Variants in RAB11FIP1 observed in about 807,000 individuals in gnomAD.
RAB11FIP1 encodes the protein RAB11 family interacting protein 1.
Under a neutral mutation model 83.1 loss-of-function variants are expected in RAB11FIP1, and 49 were observed. The observed-to-expected ratio is 0.59, with a 90% confidence interval of 0.47 to 0.75. The LOEUF is 0.75. Among genes scored for constraint, RAB11FIP1 ranks in the 30% least tolerant of loss-of-function variants. The pLI is 0.00. For missense variants in RAB11FIP1, 1,536 were observed against 1,598.7 expected (o/e 0.96, Z 0.67); for synonymous variants, 670 against 656.0 (o/e 1.02, Z -0.33).
Position 37,872,740 on chromosome 8 carries a change from C to T in RAB11FIP1, c.2062G>A (p.Glu688Lys), listed in dbSNP as rs757346065. The change falls in exon 4 of 6, where the codon GAG becomes AAG. Residue 688 changes from glutamate (E) to lysine (K), a missense_variant. Glu to Lys is a moderately conservative substitution (Grantham distance 56, BLOSUM62 1). Coordinates refer to ENST00000330843, the MANE Select transcript of RAB11FIP1 (RefSeq NM_001002814.3). ...TGCTCTGGGAGAGACTCCTCCAACT[C>T]AAGGCTGCTGGTGTTCTTCTCTGTG... is the stretch of plus-strand genomic sequence containing the variant. The part of the protein sequence containing the change: ...TGTEKNTSSL[E>K]LEESLPEQPE... 5.0e-6 allele frequency: 8 copies of T among 1,614,120 alleles called. No individual in the cohort carries two copies. The African/African-American group carries it at 6.7e-5, about 13-fold the overall frequency.
At chr8:37,888,599 C>G (rs930882831) in intron 1 of RAB11FIP1, among the ~76,000 whole-genome samples, 4 of 152,072 alleles carry the variant, frequency 2.6e-5, no homozygotes, top group African/African-American at 9.6e-5. Flanking sequence ...CCACCTTAGC[C>G]TACAAAGTAG....
At chr8:37,889,733 A>G (rs77924419) in intron 1 of RAB11FIP1, among the ~76,000 whole-genome samples, 133 of 152,324 alleles carry the variant, frequency 8.7e-4, no homozygotes, top group Admixed American at 1.8e-3. Context: ...CAGAGTATCT[A>G]TGATTTATTC....
intron 1 of RAB11FIP1, among the ~76,000 whole-genome samples, chr8:37,879,854 G>A (rs1490061950): frequency 2.6e-5 from 4 of 152,192 alleles, no homozygotes; most frequent in Non-Finnish European, 5.9e-5. Flanking sequence ...CTGCACTCCA[G>A]CCTGGGTGAC....
At chr8:37,867,083 A>G (rs1359429495) in intron 5 of RAB11FIP1, among the ~76,000 whole-genome samples, 2 of 152,226 alleles carry the variant, frequency 1.3e-5, no homozygotes, top group Admixed American at 6.5e-5. Context: ...AGGTCTTGCT[A>G]ACTTCCCAGA....
At chr8:37,879,958 G>C (rs1806701571) in intron 1 of RAB11FIP1, among the ~76,000 whole-genome samples, 1 of 152,078 alleles carries the variant, frequency 6.6e-6, no homozygotes, top group East Asian at 1.9e-4. Context: ...AGTTGGAAAG[G>C]AAGCCTTCTT....
In RAB11FIP1 at chr8:37,877,473, T is replaced by C. The variant is rs1429097286; in HGVS notation, c.450A>G (p.Arg150=). ...CAAACATGCTGGCAGTCATGTTGTT[T>C]CTCATAAACTGGATGTCAACCTCAA... ...GEIEVDIQFM[R]NNMTASMFDL... Residue 150 remains arginine (R), a synonymous_variant, in exon 2 of 6, where the codon AGA becomes AGG. Transcript: ENST00000330843. 3 of 1,613,616 alleles carry C rather than the reference T, an allele frequency of 1.9e-6. No individual in the cohort carries two copies. Among genetic ancestry groups the C allele is most frequent in the African/African-American group, 1.3e-5 (1 of 74,908 alleles).
intron 1 of RAB11FIP1, among the ~76,000 whole-genome samples, chr8:37,879,586 A>G (rs963389805): frequency 6.6e-6 from 1 of 152,102 alleles, no homozygotes; most frequent in Non-Finnish European, 1.5e-5. Flanking sequence ...GCACACTTAA[A>G]AATGGTTAAA....
rs1000472151 is a variant in RAB11FIP1, at chr8:37,861,422, A to G, written c.*1473T>C. On this transcript the variant is annotated 3_prime_UTR_variant, in exon 6 of 6. Coordinates refer to ENST00000330843, the MANE Select transcript of RAB11FIP1 (RefSeq NM_001002814.3). Reference sequence around the variant, plus strand: ...ACTACAATTTCCCCAGTATCCCACAAATAATTTGGGTTTCCTTTTGGGCAG... The same window carrying G: ...ACTACAATTTCCCCAGTATCCCACAGATAATTTGGGTTTCCTTTTGGGCAG... 2 of 351,622 alleles carry G rather than the reference A, an allele frequency of 5.7e-6. No homozygotes were observed. Among genetic ancestry groups the G allele is most frequent in the African/African-American group, 2.2e-5 (1 of 45,068 alleles). 21.8% of individuals were successfully genotyped at this position (351,622 alleles called of 1,614,324 possible).
chr8:37,872,780 C>T lies in RAB11FIP1; in HGVS notation c.2022G>A (p.Arg674=), dbSNP rs777471386. ...TCTTCTCTGTGCCTGTCTCACGGGT[C>T]CTGCCCATCAGAGAATCTTCTGTCC... ...NKGTEDSLMG[R]TRETGTEKNT... is the part of the protein sequence containing the mutation. Residue 674 remains arginine, a synonymous_variant, in exon 4 of 6, where the codon AGG becomes AGA. Coordinates refer to ENST00000330843, the MANE Select transcript of RAB11FIP1 (RefSeq NM_001002814.3). The T allele has an allele frequency of 6.2e-7, 1 of 1,614,204 alleles. No homozygotes were observed. Among genetic ancestry groups the T allele is most frequent in the Non-Finnish European group, 8.5e-7 (1 of 1,180,042 alleles).
rs888434623 is a variant in RAB11FIP1 at position 37,860,466 on chromosome 8, C to G, written c.*2429G>C. 5.3e-5 allele frequency: 8 copies of G among 152,304 alleles called. No homozygotes were observed. Among genetic ancestry groups the G allele is most frequent in the African/African-American group, 1.9e-4 (8 of 41,554 alleles). 9.4% of individuals were successfully genotyped at this position (152,304 alleles called of 1,614,324 possible). ...AAGCGATTCTTGTGCCTCAGCCTCCCGAGCAGCTGAGATTACAGCTGTCTG... is the reference window on the plus strand; with the variant it reads ...AAGCGATTCTTGTGCCTCAGCCTCCGGAGCAGCTGAGATTACAGCTGTCTG... On this transcript the variant is annotated 3_prime_UTR_variant, in exon 6 of 6. Coordinates refer to ENST00000330843, the MANE Select transcript of RAB11FIP1 (RefSeq NM_001002814.3).
At chr8:37,882,432 A>G (rs1294409294) in intron 1 of RAB11FIP1, among the ~76,000 whole-genome samples, 1 of 152,232 alleles carries the variant, frequency 6.6e-6, no homozygotes, top group Non-Finnish European at 1.5e-5. Flanking sequence ...TGAAGCTAAT[A>G]ATATTGATTC....
intron 2 of RAB11FIP1, 101 bp from the exon 3 acceptor site, chr8:37,875,423 A>C: frequency 1.2e-6 from 1 of 832,858 alleles, no homozygotes; most frequent in South Asian, 1.6e-5. Context: ...GGTTGCCACA[A>C]CTTGGAGGGG....
In RAB11FIP1 at chr8:37,861,311, G is replaced by GA; in HGVS notation, c.*1583dup. On this transcript the variant is annotated 3_prime_UTR_variant, in exon 6 of 6. Coordinates refer to ENST00000330843, the MANE Select transcript of RAB11FIP1 (RefSeq NM_001002814.3). ...AATGCTGGTGAGTCTATTCATGAGG[G>GA]AAAATGGAAAAAAAGCAACCATTTG... The GA allele has an allele frequency of 4.4e-6, 1 of 229,112 alleles. No homozygotes were observed. The highest frequency in any genetic ancestry group is 8.8e-6 in the Non-Finnish European group (1 of 113,094). 14.2% of individuals were successfully genotyped at this position (229,112 alleles called of 1,614,324 possible).
chr8:37,875,418 C>A, intron 2 of RAB11FIP1, 96 bp from the exon 3 acceptor site: 1 of 909,318 alleles, frequency 1.1e-6, no homozygotes. Flanking sequence ...TTTCTGGTTG[C>A]CACAACTTGG....
chr8:37,875,210 A>G lies in RAB11FIP1; in HGVS notation c.927T>C (p.Asn309=), dbSNP rs1419632173. Residue 309 remains asparagine, a synonymous_variant, in exon 3 of 6, where the codon AAT becomes AAC. Transcript: ENST00000330843. ...LSFLGGLRSK[N]DVLSRSNVCI... ...AGACATTAGAGCGGGAAAGGACATC[A>G]TTCTTAGACCGAAGGCCACCAAGAA... is the stretch of plus-strand genomic sequence containing the variant. 1.2e-6 allele frequency: 2 copies of G among 1,614,110 alleles called. No homozygotes were observed. The highest frequency in any genetic ancestry group is 3.3e-5 in the Admixed American group (2 of 60,014).
rs779369702 is a variant in RAB11FIP1 at position 37,872,341 on chromosome 8, C to G, written c.2461G>C (p.Val821Leu). ...TCCACCAGCAAGGCAGCCCCCGCCA[C>G]TGCCTCTTCCGTGAAGAGCTGCTCA... is the stretch of plus-strand genomic sequence containing the variant. The part of the protein sequence containing the change: ...FSEQLFTEEA[V>L]AGAALLVEGH... The change falls in exon 4 of 6, where the codon GTG becomes CTG. Residue 821 changes from valine (V) to leucine (L), a missense_variant. Val to Leu is a conservative substitution (Grantham distance 32). Coordinates refer to ENST00000330843, the MANE Select transcript of RAB11FIP1 (RefSeq NM_001002814.3). The G allele has an allele frequency of 1.2e-6, 2 of 1,614,234 alleles. No homozygotes were observed. Among genetic ancestry groups the G allele is most frequent in the South Asian group, 1.1e-5 (1 of 91,088 alleles).
intron 1 of RAB11FIP1, among the ~76,000 whole-genome samples, chr8:37,894,540 C>G (rs929028412): frequency 6.6e-6 from 1 of 151,888 alleles, no homozygotes; most frequent in African/African-American, 2.4e-5. Flanking sequence ...GGAGGACTAT[C>G]GCAATATTAA....
chr8:37,860,778 T>A lies in RAB11FIP1; in HGVS notation c.*2117A>T, dbSNP rs141595260. 16 of 152,716 alleles carry A rather than the reference T, an allele frequency of 1.0e-4. No homozygotes were observed. The highest frequency in any genetic ancestry group is 5.8e-4 in the East Asian group (3 of 5,188). The allele number at this position is 152,716 out of a possible 1,614,324, so 9.5% of individuals were successfully genotyped here. On this transcript the variant is annotated 3_prime_UTR_variant, in exon 6 of 6. Transcript: ENST00000330843. ...TGGTCCCAGTACTGTAGGAGAGAAT[T>A]AAATAAAATAAAATAGCTGTAGATA...
intron 1 of RAB11FIP1, among the ~76,000 whole-genome samples, chr8:37,897,496 A>G (rs1676809972): frequency 6.7e-6 from 1 of 149,314 alleles, no homozygotes. Context: ...CTAGATGAAC[A>G]TAATCGAACG....
Sources: gnomAD v4.1 joint callset for allele counts (sites outside exome capture counted in the v4.1 genomes callset) on GRCh38, gnomAD v4.1.1 for gene constraint, MANE v1.5 for transcripts, NCBI Gene and HGNC (gene_info 2026-07-23, HGNC 2026-07-21) for gene names.